Variants in ADAM21 observed in about 807,000 individuals in gnomAD.
ADAM21 encodes ADAM metallopeptidase domain 21.
For synonymous variants in ADAM21, 262 were observed against 306.0 expected, an observed-to-expected ratio of 0.86 and a Z score of 1.50; for missense variants, 678 against 874.4, an observed-to-expected ratio of 0.78 and a Z score of 2.83.
rs1233555588 is a variant in ADAM21, at chr14:70,459,388, T to C, written c.1889T>C (p.Leu630Ser). ...AAGAAGTGTGTCAGTCTGTCTGTCT[T>C]GTCACATGTCTGCCTTCCTGAGACC... ...IHKKCVSLSV[L>S]SHVCLPETCN... The change falls in exon 2 of 2, where the codon TTG (leucine) becomes TCG (serine). Residue 630 changes from leucine to serine, a missense_variant. Physicochemically the swap from Leu to Ser is moderately radical, Grantham distance 145. Transcript: ENST00000603540. The C allele has an allele frequency of 6.2e-7, 1 of 1,614,242 alleles. No individual in the cohort carries two copies. Among genetic ancestry groups the C allele is most frequent in the Admixed American group, 1.7e-5 (1 of 60,028 alleles).
chr14:70,452,645 C>A (rs375301746), intron 1 of ADAM21, among the ~76,000 whole-genome samples: 2 of 152,148 alleles, frequency 1.3e-5, no homozygotes, highest in Non-Finnish European at 1.5e-5. Context: ...GTATTACAGG[C>A]GTGAGCCACC....
In ADAM21 at chr14:70,459,893, T is replaced by A. The variant is rs1882501187; in HGVS notation, c.*225T>A. 9.1e-6 allele frequency: 5 copies of A among 547,284 alleles called. No individual in the cohort carries two copies. Among genetic ancestry groups the A allele is most frequent in the Non-Finnish European group, 1.6e-5 (5 of 312,576 alleles). The allele number at this position is 547,284 out of a possible 1,614,324, so 33.9% of individuals were successfully genotyped here. A position where few individuals can be genotyped will look rare whatever the true frequency, so the allele number is the denominator to read the frequency against. On this transcript the variant is annotated 3_prime_UTR_variant, in exon 2 of 2. Transcript: ENST00000603540. ...TTAAGCAGCAAATAAAGCTACATCC[T>A]TCCCTCCCTTTAGTCCTTGTTGTGT...
chr14:70,452,714 G>A (rs1311296338), intron 1 of ADAM21, among the ~76,000 whole-genome samples: 2 of 152,174 alleles, frequency 1.3e-5, no homozygotes, highest in Non-Finnish European at 2.9e-5. Flanking sequence ...ATGTAGGTAG[G>A]GTGACCAACC....
chr14:70,459,442 A>G lies in ADAM21; in HGVS notation c.1943A>G (p.Lys648Arg). Residue 648 changes from lysine (K) to arginine (R), a missense_variant, in exon 2 of 2, where the codon AAA becomes AGA. Physicochemically the swap from Lys to Arg is conservative, Grantham distance 26 (BLOSUM62 2). Transcript: ENST00000603540. Reference sequence around the variant, plus strand: ...AATATGAAGGGGATCTGCAATAACAAACATCACTGCCACTGTGGCTATGGG... The same window carrying G: ...AATATGAAGGGGATCTGCAATAACAGACATCACTGCCACTGTGGCTATGGG... ...TCNMKGICNN[K>R]HHCHCGYGWS... 6.2e-7 allele frequency: 1 copy of G among 1,614,222 alleles called. No homozygotes were observed. Among genetic ancestry groups the G allele is most frequent in the South Asian group, 1.1e-5 (1 of 91,084 alleles).
At chr14:70,453,392 G>A (rs1889065364) in intron 1 of ADAM21, 1 of 152,180 alleles carries the variant, frequency 6.6e-6, no homozygotes, top group African/African-American at 2.4e-5. Context: ...ATGCAGAAGA[G>A]GGCTGTTGGC....
rs1187878643 is a variant in ADAM21 at position 70,457,385 on chromosome 14, T to A, written c.-115T>A. 1 of 1,522,680 alleles carries A rather than the reference T, an allele frequency of 6.6e-7. No individual in the cohort carries two copies. The highest frequency in any genetic ancestry group is 9.0e-7 in the Non-Finnish European group (1 of 1,114,350). 94.3% of individuals were successfully genotyped at this position (1,522,680 alleles called of 1,614,324 possible). On this transcript the variant is annotated 5_prime_UTR_variant, in exon 2 of 2. Coordinates refer to ENST00000603540, the MANE Select transcript of ADAM21 (RefSeq NM_003813.4). ...TGATCTAACTCTGCCAGGACACAGA[T>A]CCACAGGGTCAGCCCTGCATCCTGA... is the stretch of plus-strand genomic sequence containing the variant.
Position 70,457,558 on chromosome 14 carries a change from G to C in ADAM21, c.59G>C (p.Gly20Ala), listed in dbSNP as rs1425864099. 1 of 1,611,478 alleles carries C rather than the reference G, an allele frequency of 6.2e-7. No individual in the cohort carries two copies. Among genetic ancestry groups the C allele is most frequent in the Admixed American group, 1.7e-5 (1 of 59,752 alleles). ...GTCACTCTTCTGCTGCTCTGGCTTG[G>C]GGTATTTTTGTCTATTTCCGGCTAC... ...IRVTLLLLWL[G>A]VFLSISGYCQ... The change falls in exon 2 of 2, where the codon GGG becomes GCG. Residue 20 changes from glycine (G) to alanine (A), a missense_variant. Coordinates refer to ENST00000603540, the MANE Select transcript of ADAM21 (RefSeq NM_003813.4).
Position 70,459,651 on chromosome 14 carries a change from G to A in ADAM21, c.2152G>A (p.Ala718Thr), listed in dbSNP as rs767602447. Reference protein sequence around the residue: ...RQCSGPKETKAHSSG With the variant: ...RQCSGPKETKTHSSG ...ATGTTCTGGTCCCAAAGAAACTAAG[G>A]CTCATTCATCAGGTTAAGAAAATGT... The change falls in exon 2 of 2, where the codon GCT (alanine) becomes ACT (threonine). Residue 718 changes from alanine (A) to threonine (T), a missense_variant. By Grantham distance (58) the Ala-to-Thr change is moderately conservative. Coordinates refer to ENST00000603540, the MANE Select transcript of ADAM21 (RefSeq NM_003813.4). The A allele has an allele frequency of 1.9e-6, 3 of 1,613,748 alleles. No homozygotes were observed. The highest frequency in any genetic ancestry group is 1.3e-5 in the African/African-American group (1 of 74,860).
chr14:70,457,633 C>T lies in ADAM21; in HGVS notation c.134C>T (p.Pro45Leu). The T allele has an allele frequency of 6.2e-7, 1 of 1,613,904 alleles. No homozygotes were observed. The change falls in exon 2 of 2, where the codon CCC becomes CTC. Residue 45 changes from proline to leucine, a missense_variant. By Grantham distance (98) the Pro-to-Leu change is moderately conservative (BLOSUM62 -3). Coordinates refer to ENST00000603540, the MANE Select transcript of ADAM21 (RefSeq NM_003813.4). ...QHFTSPEVVI[P>L]LKVISRGRSA... ...TTCACTTCCCCGGAAGTGGTGATCC[C>T]CTTGAAGGTGATCAGCAGGGGCAGA...
At position 70,458,251 on chromosome 14, in the gene ADAM21, C is replaced by T; in HGVS notation, c.752C>T (p.Thr251Ile). 1 of 1,613,796 alleles carries T rather than the reference C, an allele frequency of 6.2e-7. No homozygotes were observed. Among genetic ancestry groups the T allele is most frequent in the Non-Finnish European group, 8.5e-7 (1 of 1,179,906 alleles). ...IVDSMYKQLG[T>I]YIILIGIEIW... ...GATTCCATGTATAAGCAGTTAGGTACTTACATAATTTTGATTGGAATTGAA... is the reference window on the plus strand; with the variant it reads ...GATTCCATGTATAAGCAGTTAGGTATTTACATAATTTTGATTGGAATTGAA... The change falls in exon 2 of 2, where the codon ACT (threonine) becomes ATT (isoleucine). Residue 251 changes from threonine to isoleucine, a missense_variant. Thr to Ile is a moderately conservative substitution (Grantham distance 89). Transcript: ENST00000603540.
rs769594979 is a variant in ADAM21, at chr14:70,459,622, G to A, written c.2123G>A (p.Arg708Gln). 6.8e-6 allele frequency: 11 copies of A among 1,613,936 alleles called. No individual in the cohort carries two copies. The highest frequency in any genetic ancestry group is 2.2e-5 in the South Asian group (2 of 91,076). The change falls in exon 2 of 2, where the codon CGA (arginine) becomes CAA (glutamine). Residue 708 changes from arginine (R) to glutamine (Q), a missense_variant. Arg to Gln is a conservative substitution (Grantham distance 43). Transcript: ENST00000603540. The stretch of plus-strand genomic sequence containing the variant: ...ACTGTCGGGCTTCTTATGTATCTAC[G>A]ACAATGTTCTGGTCCCAAAGAAACT... ...LFTVGLLMYL[R>Q]QCSGPKETKA...
At chr14:70,454,389 C>T (rs921619744) in intron 1 of ADAM21, among the ~76,000 whole-genome samples, 4 of 152,024 alleles carry the variant, frequency 2.6e-5, no homozygotes, top group African/African-American at 4.8e-5. Context: ...TTCCTGCCCA[C>T]CCCCCATTCC....
At chr14:70,453,113 CACTT>C (rs1194691498) in intron 1 of ADAM21, among the ~76,000 whole-genome samples, 1 of 152,098 alleles carries the variant, frequency 6.6e-6, no homozygotes. Flanking sequence ...GCTTTACACA[CACTT>C]ACACCCCACA....
intron 1 of ADAM21, among the ~76,000 whole-genome samples, chr14:70,453,914 A>C (rs1470695627): frequency 6.6e-6 from 1 of 152,240 alleles, no homozygotes; most frequent in Admixed American, 6.5e-5. Context: ...TAAGCAAGTT[A>C]ATGGCAAGGA....
chr14:70,452,748 G>A (rs1889055797), intron 1 of ADAM21, among the ~76,000 whole-genome samples: 4 of 152,198 alleles, frequency 2.6e-5, no homozygotes, highest in Non-Finnish European at 5.9e-5. Context: ...TGAGACTGAG[G>A]GGATTGCTGG....
chr14:70,457,983 A>T lies in ADAM21; in HGVS notation c.484A>T (p.Asn162Tyr). The T allele has an allele frequency of 1.9e-6, 3 of 1,605,668 alleles. No individual in the cohort carries two copies. Among genetic ancestry groups the T allele is most frequent in the Non-Finnish European group, 2.6e-6 (3 of 1,174,726 alleles). The stretch of plus-strand genomic sequence containing the variant: ...ATTTGAACACCTGGTTTATAAGATA[A>T]ACAGTAATGAGACACAATTCCCAGC... ...ATFEHLVYKI[N>Y]SNETQFPAMR... Residue 162 changes from asparagine to tyrosine, a missense_variant, in exon 2 of 2, where the codon AAC (asparagine) becomes TAC (tyrosine). Physicochemically the swap from Asn to Tyr is moderately radical, Grantham distance 143. Coordinates refer to ENST00000603540, the MANE Select transcript of ADAM21 (RefSeq NM_003813.4).
chr14:70,459,828 CAA>C lies in ADAM21; in HGVS notation c.*161_*162del, dbSNP rs1220197459. The stretch of plus-strand genomic sequence containing the variant: ...GTACCACAAACATTGTCATTAAGTT[CAA>C]GTTATTCTTAACATGTTTCTATCTA... On this transcript the variant is annotated 3_prime_UTR_variant, in exon 2 of 2. Coordinates refer to ENST00000603540, the MANE Select transcript of ADAM21 (RefSeq NM_003813.4). The C allele has an allele frequency of 1.1e-5, 9 of 847,654 alleles. No individual in the cohort carries two copies. Among genetic ancestry groups the C allele is most frequent in the Non-Finnish European group, 1.6e-5 (9 of 554,160 alleles). The allele number at this position is 847,654 out of a possible 1,614,324, so 52.5% of individuals were successfully genotyped here. A position where few individuals can be genotyped will look rare whatever the true frequency, so the allele number is the denominator to read the frequency against.
Position 70,458,725 on chromosome 14 carries a change from G to C in ADAM21, c.1226G>C (p.Cys409Ser). The change falls in exon 2 of 2, where the codon TGT becomes TCT. Residue 409 changes from cysteine (C) to serine (S), a missense_variant. Cys to Ser is a moderately radical substitution (Grantham distance 112, BLOSUM62 -1). Coordinates refer to ENST00000603540, the MANE Select transcript of ADAM21 (RefSeq NM_003813.4). ...GGGGAAATCTTTATGCTAAAGCGCTGTGGGAATGGTGTGGTTGAAAGAGAA... is the reference window on the plus strand; with the variant it reads ...GGGGAAATCTTTATGCTAAAGCGCTCTGGGAATGGTGTGGTTGAAAGAGAA... ...RLGEIFMLKRCGNGVVEREEQ... is the reference protein window; with the variant it reads ...RLGEIFMLKRSGNGVVEREEQ... 6.2e-7 allele frequency: 1 copy of C among 1,614,146 alleles called. No homozygotes were observed.
At chr14:70,452,771 C>A (rs974745081) in intron 1 of ADAM21, among the ~76,000 whole-genome samples, 6 of 152,160 alleles carry the variant, frequency 3.9e-5, no homozygotes, top group Non-Finnish European at 8.8e-5. Context: ...GCAGCACTTT[C>A]AGTTTTAAAA....
Sources: gnomAD v4.1 joint callset for allele counts (sites outside exome capture counted in the v4.1 genomes callset) on GRCh38, gnomAD v4.1.1 for gene constraint, MANE v1.5 for transcripts, NCBI Gene and HGNC (gene_info 2026-07-23, HGNC 2026-07-21) for gene names.